The following SLC5A1 variants were observed in gnomAD, a reference collection of about 807,000 sequenced individuals.
The protein encoded by SLC5A1 is solute carrier family 5 member 1.
Under a neutral mutation model 73.5 loss-of-function variants are expected in SLC5A1, and 42 were observed. That is an observed-to-expected ratio of 0.57 (90% confidence interval 0.45 to 0.74). The LOEUF is 0.74. Ranked by LOEUF, SLC5A1 falls within the 30% of genes least tolerant of loss-of-function variation. The pLI is 0.00. For synonymous variants in SLC5A1, 300 were observed against 317.4 expected, an observed-to-expected ratio of 0.95 and a Z score of 0.58; for missense variants, 634 against 855.4, an observed-to-expected ratio of 0.74 and a Z score of 3.23.
intron 10 of SLC5A1, among the ~76,000 whole-genome samples, chr22:32,091,298 AACACAC>A (rs67059150): frequency 0.19 from 25,869 of 138,872 alleles, 2,197 homozygotes; most frequent in Middle Eastern, 0.23. Flanking sequence ...CACATACACA[AACACAC>A]ACACACACAC....
Position 32,043,409 on chromosome 22 carries a change from G to C in SLC5A1, c.128G>C (p.Gly43Ala). 6.2e-7 allele frequency: 1 copy of C among 1,613,986 alleles called. No individual in the cohort carries two copies. The highest frequency in any genetic ancestry group is 8.5e-7 in the Non-Finnish European group (1 of 1,179,966). The change falls in exon 1 of 15, where the codon GGA becomes GCA. Residue 43 changes from glycine (G) to alanine (A), a missense_variant. By Grantham distance (60) the Gly-to-Ala change is moderately conservative. This residue lies in a region of SLC5A1 where 422 missense variants were observed against 626.1 expected (regional missense o/e 0.67). Transcript: ENST00000266088. This position sits in a 1 kb window ranked among gnomAD's most constrained non-coding sequence, Gnocchi z 6.5. The part of the protein sequence containing the change: ...VIYFVVVMAV[G>A]LWAMFSTNRG... ...TACTTCGTGGTAGTGATGGCCGTCG[G>C]ACTGTGGGTATGCAGCGGGTTCTGG...
intron 11 of SLC5A1, 21 bp from the exon 12 acceptor site, chr22:32,099,162 T>G: frequency 6.5e-7 from 1 of 1,544,990 alleles, no homozygotes; most frequent in East Asian, 2.5e-5. Context: ...TGACACCTTG[T>G]TGTGGGGGCT....
At chr22:32,074,399 C>T (rs555334431) in intron 5 of SLC5A1, among the ~76,000 whole-genome samples, 13 of 152,298 alleles carry the variant, frequency 8.5e-5, no homozygotes, top group African/African-American at 2.9e-4. Context: ...CCGAGGAGCC[C>T]GCTTTTTCTA....
chr22:32,059,467 G>A (rs1214160972), intron 2 of SLC5A1: 1 of 482,134 alleles, frequency 2.1e-6, no homozygotes, highest in Non-Finnish European at 2.7e-6. Flanking sequence ...GGCATTCCAG[G>A]AAAAACGAAA....
chr22:32,057,085 C>T (rs2093952955), intron 2 of SLC5A1, among the ~76,000 whole-genome samples: 1 of 152,166 alleles, frequency 6.6e-6, no homozygotes, highest in Admixed American at 6.5e-5. Context: ...ACATAGTTTG[C>T]TATGGCGGAA....
At chr22:32,073,520 TCTC>T (rs1044721628) in intron 5 of SLC5A1, among the ~76,000 whole-genome samples, 3 of 152,102 alleles carry the variant, frequency 2.0e-5, no homozygotes, top group Non-Finnish European at 4.4e-5. Flanking sequence ...TCCTTTACTT[TCTC>T]CTCCTCTGCT....
In SLC5A1 at chr22:32,052,477, A is replaced by G. The variant is rs1194696310; in HGVS notation, c.207+2463A>G. 6.6e-5 allele frequency among the ~76,000 whole-genome samples: 10 copies of G among 152,338 alleles called. 1 individual carries two copies. Among genetic ancestry groups the G allele is most frequent in the African/African-American group, 2.2e-4 (9 of 41,582 alleles). ...GTCCCAACACATGGGTGGGGAGCTC[A>G]TGAATTGGAGAGGAAGAGAGGGAAC... On this transcript the variant is annotated intron_variant, in intron 2 of 14. Coordinates refer to ENST00000266088, the MANE Select transcript of SLC5A1 (RefSeq NM_000343.4).
chr22:32,066,816 A>C (rs2093974094), intron 2 of SLC5A1, 119 bp from the exon 3 acceptor site: 1 of 734,848 alleles, frequency 1.4e-6, no homozygotes, highest in African/African-American at 1.7e-5. Context: ...GTTTTCTCCC[A>C]GCCCACCTCT....
intron 5 of SLC5A1, among the ~76,000 whole-genome samples, chr22:32,078,150 T>C (rs1229580856): frequency 6.6e-6 from 1 of 152,240 alleles, no homozygotes; most frequent in Non-Finnish European, 1.5e-5. Context: ...TGTTGACATA[T>C]AATTTTTAGA....
chr22:32,043,400 T>C lies in SLC5A1; in HGVS notation c.119T>C (p.Met40Thr), dbSNP rs2093932792. The change falls in exon 1 of 15, where the codon ATG (methionine) becomes ACG (threonine). Residue 40 changes from methionine to threonine, a missense_variant. Met to Thr is a moderately conservative substitution (Grantham distance 81, BLOSUM62 -1). Around this residue, in one of 3 missense-constraint regions of SLC5A1, gnomAD observed 422 missense variants for 626.1 expected, o/e 0.67. Transcript: ENST00000266088. This position sits in a 1 kb window ranked among gnomAD's most constrained non-coding sequence, Gnocchi z 6.5. ...ATCGTTATCTACTTCGTGGTAGTGA[T>C]GGCCGTCGGACTGTGGGTATGCAGC... ...SIIVIYFVVV[M>T]AVGLWAMFST... 1.2e-5 allele frequency: 19 copies of C among 1,614,028 alleles called. No individual in the cohort carries two copies. Among genetic ancestry groups the C allele is most frequent in the Non-Finnish European group, 1.6e-5 (19 of 1,179,980 alleles).
At position 32,057,092 on chromosome 22, in the gene SLC5A1, G is replaced by A. The variant is rs556783993; in HGVS notation, c.207+7078G>A. Among the ~76,000 whole-genome samples, 6 of 152,272 alleles carry A rather than the reference G, an allele frequency of 3.9e-5. No homozygotes were observed. The Middle Eastern group carries it at 0.014, about 345-fold the overall frequency. ...TCAAGGTCACATAGTTTGCTATGGCGGAACCAAGATTAGAACCAGGTTGGA... is the reference window on the plus strand; with the variant it reads ...TCAAGGTCACATAGTTTGCTATGGCAGAACCAAGATTAGAACCAGGTTGGA... On this transcript the variant is annotated intron_variant, in intron 2 of 14. Transcript: ENST00000266088.
chr22:32,074,291 C>T (rs2093987348), intron 5 of SLC5A1, among the ~76,000 whole-genome samples: 1 of 152,208 alleles, frequency 6.6e-6, no homozygotes, highest in African/African-American at 2.4e-5. Flanking sequence ...ATCACCTCAC[C>T]TATTTTTCAA....
At chr22:32,091,822 T>G in intron 11 of SLC5A1, 60 bp downstream of exon 11, 1 of 1,578,174 alleles carries the variant, frequency 6.3e-7, no homozygotes, top group Non-Finnish European at 8.7e-7. Flanking sequence ...TCCATCTGTG[T>G]TACCCCTCAA....
chr22:32,051,381 C>CA (rs1201062310), intron 2 of SLC5A1, among the ~76,000 whole-genome samples: 2 of 152,170 alleles, frequency 1.3e-5, no homozygotes, highest in African/African-American at 4.8e-5. Flanking sequence ...TTCAGCTAGG[C>CA]ACAGTGACTC....
chr22:32,070,015 T>A (rs2149488616), intron 5 of SLC5A1, among the ~76,000 whole-genome samples: 1 of 152,204 alleles, frequency 6.6e-6, no homozygotes, highest in South Asian at 2.1e-4. Flanking sequence ...CTCTGGGGGA[T>A]GTTTACTCTT....
At chr22:32,108,796 GC>G (rs1230578539) in intron 14 of SLC5A1, among the ~76,000 whole-genome samples, 1 of 152,126 alleles carries the variant, frequency 6.6e-6, no homozygotes, top group African/African-American at 2.4e-5. Flanking sequence ...AGACCATAAA[GC>G]CAGGTTTTGG....
At chr22:32,102,798 T>G (rs1309237273) in intron 13 of SLC5A1, among the ~76,000 whole-genome samples, 1 of 152,184 alleles carries the variant, frequency 6.6e-6, no homozygotes, top group Non-Finnish European at 1.5e-5. Context: ...AACTTTTAGC[T>G]CCTATATATG....
chr22:32,096,905 C>T (rs1209502991), intron 11 of SLC5A1, among the ~76,000 whole-genome samples: 2 of 152,186 alleles, frequency 1.3e-5, no homozygotes, highest in Non-Finnish European at 2.9e-5. Flanking sequence ...TGGTAGGCCA[C>T]TTTCAATTGA....
At chr22:32,060,060 CACACACATATATAT>C (rs1019709693) in intron 2 of SLC5A1, among the ~76,000 whole-genome samples, 1 of 132,062 alleles carries the variant, frequency 7.6e-6, no homozygotes, top group African/African-American at 2.7e-5. Context: ...CACATATATA[CACACACATATATAT>C]ATACACACAT....
Sources: allele counts gnomAD v4.1 joint callset (sites outside exome capture counted in the v4.1 genomes callset), GRCh38; gene constraint gnomAD v4.1.1; regional missense constraint gnomAD v4.1.1; non-coding constraint Gnocchi (gnomAD v3.1); transcripts MANE v1.5; gene names NCBI Gene and HGNC (gene_info 2026-07-23, HGNC 2026-07-21).